CLOCK: variants seen among roughly 807,000 people sequenced by gnomAD.
CLOCK encodes the protein circadian locomoter output cycles protein kaput.
In CLOCK, 43 loss-of-function variants were observed where a neutral mutation model predicts 118.4. The observed-to-expected ratio is 0.36, with a 90% CI of 0.28 to 0.47. The LOEUF (loss-of-function observed/expected upper bound fraction) is 0.47. Ranked by LOEUF, CLOCK falls within the 20% of genes least tolerant of loss-of-function variation. CLOCK has a pLI of 1.00. For synonymous variants in CLOCK, 326 were observed against 339.2 expected (o/e 0.96, Z 0.43); for missense variants, 846 against 999.9 (o/e 0.85, Z 2.08).
chr4:55,526,946 C>CAAAA (rs11460620), intron 1 of CLOCK, among the ~76,000 whole-genome samples: 3 of 88,268 alleles, frequency 3.4e-5, no homozygotes, highest in Non-Finnish European at 4.1e-5. Context: ...GACTCCGTCT[C>CAAAA]AAAAAAAAAA....
intron 3 of CLOCK, among the ~76,000 whole-genome samples, chr4:55,485,074 C>T (rs1727209641): frequency 6.6e-6 from 1 of 152,096 alleles, no homozygotes; most frequent in Admixed American, 6.6e-5. Context: ...GGTGATTCTC[C>T]TGCCTCAGCC....
In CLOCK at chr4:55,466,879, G is replaced by A. The variant is rs961404321; in HGVS notation, c.439-3074C>T. On this transcript the variant is annotated intron_variant, in intron 8 of 22. Coordinates refer to ENST00000513440, the MANE Select transcript of CLOCK (RefSeq NM_004898.4). ...TTTTTATCTCCCTTACTCGTTTCATGAAAAGGAAATATAAGTTCTGCTGAT... is the reference window on the plus strand; with the variant it reads ...TTTTTATCTCCCTTACTCGTTTCATAAAAAGGAAATATAAGTTCTGCTGAT... Among the ~76,000 whole-genome samples the A allele has an allele frequency of 3.3e-5, 5 of 152,290 alleles. No homozygotes were observed. In the East Asian group the frequency reaches 9.6e-4, roughly 29 times the overall value.
At chr4:55,466,520 T>C (rs1238119908) in intron 8 of CLOCK, among the ~76,000 whole-genome samples, 3 of 152,254 alleles carry the variant, frequency 2.0e-5, no homozygotes, top group Non-Finnish European at 4.4e-5. Flanking sequence ...TATAGTTTTC[T>C]ACTATTATTT....
chr4:55,478,747 A>G (rs1460027782), intron 6 of CLOCK, 68 bp downstream of exon 6: 2 of 1,482,244 alleles, frequency 1.3e-6, no homozygotes, highest in Non-Finnish European at 1.9e-6. Flanking sequence ...TCCAATCTTA[A>G]GCATCTCTGC....
intron 22 of CLOCK, among the ~76,000 whole-genome samples, chr4:55,437,449 T>G (rs1471729031): frequency 1.3e-5 from 2 of 152,216 alleles, no homozygotes; most frequent in Non-Finnish European, 2.9e-5. Context: ...ATTTCTCTGC[T>G]GAGGATCTTG....
intron 21 of CLOCK, among the ~76,000 whole-genome samples, chr4:55,441,204 T>G (rs1282128951): frequency 1.3e-5 from 2 of 152,128 alleles, no homozygotes; most frequent in Admixed American, 6.5e-5. Flanking sequence ...AAACTCAACT[T>G]AAAACCACAA....
At chr4:55,450,263 T>A (rs755930872) in intron 15 of CLOCK, 31 bp from the exon 16 acceptor site, 1 of 1,613,464 alleles carries the variant, frequency 6.2e-7, no homozygotes, top group South Asian at 1.1e-5. Flanking sequence ...AAATGTTTTC[T>A]TGTGGTTCAG....
At chr4:55,525,596 G>A (rs1040349662) in intron 1 of CLOCK, among the ~76,000 whole-genome samples, 1 of 152,000 alleles carries the variant, frequency 6.6e-6, no homozygotes, top group Non-Finnish European at 1.5e-5. Flanking sequence ...TCCGCCTCTC[G>A]AGTAGCTGAT....
At position 55,482,833 on chromosome 4, in the gene CLOCK, G is replaced by A; in HGVS notation, c.-43-5C>T. 4 of 1,375,002 alleles carry A rather than the reference G, an allele frequency of 2.9e-6. No homozygotes were observed. The highest frequency in any genetic ancestry group is 2.3e-5 in the East Asian group (1 of 43,076). The allele number at this position is 1,375,002 out of a possible 1,614,324, so 85.2% of individuals were successfully genotyped here. A position where few individuals can be genotyped will look rare whatever the true frequency, so the allele number is the denominator to read the frequency against. On this transcript the variant is annotated splice_region_variant and splice_polypyrimidine_tract_variant and intron_variant, in intron 3 of 22. Transcript: ENST00000513440. ...TAGTAGACATTTGTACTTCTCCTTA[G>A]GTGAAAAGAAAAATAAATGGTCATT...
intron 18 of CLOCK, among the ~76,000 whole-genome samples, chr4:55,448,185 A>T (rs1043324048): frequency 2.6e-5 from 4 of 152,214 alleles, no homozygotes; most frequent in Admixed American, 6.5e-5. Flanking sequence ...CATTCCCTCT[A>T]GATGTAATGG....
At chr4:55,471,508 G>A (rs1245054726) in intron 7 of CLOCK, among the ~76,000 whole-genome samples, 1 of 152,162 alleles carries the variant, frequency 6.6e-6, no homozygotes, top group African/African-American at 2.4e-5. Flanking sequence ...GGAAGTTAAT[G>A]GGAATCTGAA....
intron 7 of CLOCK, among the ~76,000 whole-genome samples, chr4:55,473,354 G>T (rs1390841838): frequency 6.6e-6 from 1 of 152,132 alleles, no homozygotes; most frequent in African/African-American, 2.4e-5. Flanking sequence ...TAAGAGTATT[G>T]TAAGGATTCA....
intron 1 of CLOCK, among the ~76,000 whole-genome samples, chr4:55,519,998 T>C (rs1240014929): frequency 6.6e-6 from 1 of 152,102 alleles, no homozygotes; most frequent in Admixed American, 6.6e-5. Context: ...GGCCCTGACT[T>C]AGACACACAA....
Position 55,464,358 on chromosome 4 carries a change from C to T in CLOCK, c.439-553G>A, listed in dbSNP as rs1725582588. 2.6e-5 allele frequency among the ~76,000 whole-genome samples: 4 copies of T among 152,220 alleles called. 1 individual carries two copies. The highest frequency in any genetic ancestry group is 2.6e-4 in the Admixed American group (4 of 15,280). ...AAGCATTAGAATTCTTGTTAATACACAGCTTTAATCGTGATTAATCAATAG... is the reference window on the plus strand; with the variant it reads ...AAGCATTAGAATTCTTGTTAATACATAGCTTTAATCGTGATTAATCAATAG... On this transcript the variant is annotated intron_variant, in intron 8 of 22. Transcript: ENST00000513440.
At chr4:55,491,800 G>A (rs1182811770) in intron 2 of CLOCK, among the ~76,000 whole-genome samples, 1 of 145,514 alleles carries the variant, frequency 6.9e-6, no homozygotes. Context: ...GACTTTACAA[G>A]AGAGTACATA....
chr4:55,466,963 A>G (rs924229605), intron 8 of CLOCK, among the ~76,000 whole-genome samples: 2 of 152,258 alleles, frequency 1.3e-5, no homozygotes, highest in Non-Finnish European at 2.9e-5. Flanking sequence ...CAACGTTACC[A>G]TTTAGTGATT....
intron 2 of CLOCK, among the ~76,000 whole-genome samples, chr4:55,500,351 T>C (rs1019729327): frequency 6.6e-6 from 1 of 151,868 alleles, no homozygotes; most frequent in Non-Finnish European, 1.5e-5. Context: ...TTGGGGGGAG[T>C]GGTGTGTTTT....
At chr4:55,506,422 T>TA (rs975503089) in intron 2 of CLOCK, among the ~76,000 whole-genome samples, 8 of 151,632 alleles carry the variant, frequency 5.3e-5, no homozygotes, top group Non-Finnish European at 8.8e-5. Flanking sequence ...GTGGAATTCT[T>TA]AAAAAAAACC....
rs537704576 is a variant in CLOCK at position 55,457,581 on chromosome 4, T to C, written c.793-1281A>G. On this transcript the variant is annotated intron_variant, in intron 11 of 22. Transcript: ENST00000513440. ...TCCTTGTGCTAAACTCTCTTCAGCA[T>C]GGAGAAATAAACAAGAAAGAAACAA... Among the ~76,000 whole-genome samples the C allele has an allele frequency of 1.1e-4, 17 of 151,780 alleles. No individual in the cohort carries two copies. In the East Asian group the frequency reaches 2.7e-3, roughly 24 times the overall value.
Sources: gnomAD v4.1 joint callset for allele counts (sites outside exome capture counted in the v4.1 genomes callset) on GRCh38, gnomAD v4.1.1 for gene constraint, MANE v1.5 for transcripts, NCBI Gene and HGNC (gene_info 2026-07-23, HGNC 2026-07-21) for gene names.